KIAA1549L: variants seen among roughly 807,000 people sequenced by gnomAD.
KIAA1549L encodes the protein KIAA1549 like.
Under a neutral mutation model 160.7 loss-of-function variants are expected in KIAA1549L, and 88 were observed. The observed-to-expected ratio is 0.55, with a 90% confidence interval of 0.46 to 0.65. The LOEUF is 0.65. Ranked by LOEUF, KIAA1549L falls within the 30% of genes least tolerant of loss-of-function variation. The pLI, the probability that KIAA1549L is intolerant of heterozygous loss-of-function variation, is 0.00. For synonymous variants in KIAA1549L, 950 were observed against 976.7 expected (o/e 0.97, Z 0.51); for missense variants, 2,258 against 2,437.5 (o/e 0.93, Z 1.55).
chr11:33,588,932 A>G (rs536756023), intron 11 of KIAA1549L, among the ~76,000 whole-genome samples: 1 of 152,332 alleles, frequency 6.6e-6, no homozygotes, highest in African/African-American at 2.4e-5. Context: ...TGTTGGAGTT[A>G]GCAATAAAAC....
intron 16 of KIAA1549L, among the ~76,000 whole-genome samples, chr11:33,628,251 T>C (rs568474955): frequency 6.6e-6 from 1 of 152,196 alleles, no homozygotes; most frequent in South Asian, 2.1e-4. Flanking sequence ...GTGAAAAAAA[T>C]GTATATTCTG....
intron 15 of KIAA1549L, among the ~76,000 whole-genome samples, chr11:33,615,402 T>C (rs1850782110): frequency 6.6e-6 from 1 of 152,216 alleles, no homozygotes; most frequent in African/African-American, 2.4e-5. Context: ...GTAAGAAACT[T>C]ACTTCTCAAG....
Position 33,668,026 on chromosome 11 carries a change from C to T in KIAA1549L, c.6313C>T (p.Leu2105=), listed in dbSNP as rs1001189941. The T allele has an allele frequency of 1.9e-6, 3 of 1,614,032 alleles. No individual in the cohort carries two copies. In the Admixed American group the frequency reaches 5.0e-5, roughly 27 times the overall value. The change falls in exon 21 of 21, where the codon CTG becomes TTG. Residue 2105 remains leucine (L), a synonymous_variant. Transcript: ENST00000658780. ...APSTAASQQS[L]AENDPSDAPL... ...CTCCACAGCGGCCTCGCAGCAGAGC[C>T]TGGCAGAAAACGACCCGTCTGACGC...
chr11:33,445,319 C>T (rs76576649), intron 1 of KIAA1549L, among the ~76,000 whole-genome samples: 1 of 152,198 alleles, frequency 6.6e-6, no homozygotes, highest in Admixed American at 6.5e-5. Context: ...AGTTGGATAA[C>T]AGCAGTTGTT....
At chr11:33,569,765 G>T (rs972629987) in intron 9 of KIAA1549L, among the ~76,000 whole-genome samples, 1 of 152,148 alleles carries the variant, frequency 6.6e-6, no homozygotes, top group East Asian at 1.9e-4. Flanking sequence ...CGGTGGTTAA[G>T]CTTGCGTGTC....
At chr11:33,564,994 T>G (rs1157922899) in intron 8 of KIAA1549L, among the ~76,000 whole-genome samples, 1 of 152,144 alleles carries the variant, frequency 6.6e-6, no homozygotes, top group Non-Finnish European at 1.5e-5. Flanking sequence ...GGACAAAGCT[T>G]CATTGAACAC....
At chr11:33,515,040 C>G (rs1590302280) in intron 1 of KIAA1549L, among the ~76,000 whole-genome samples, 1 of 152,164 alleles carries the variant, frequency 6.6e-6, no homozygotes, top group African/African-American at 2.4e-5. Flanking sequence ...TCCCCCTCCC[C>G]CACAGCAATG....
intron 15 of KIAA1549L, among the ~76,000 whole-genome samples, chr11:33,614,537 T>C (rs1850731019): frequency 1.3e-3 from 5 of 3,828 alleles, no homozygotes; most frequent in Non-Finnish European, 2.1e-3. Context: ...ACAAGATATA[T>C]ATATATATAT....
At chr11:33,617,685 T>C (rs911273265) in intron 15 of KIAA1549L, among the ~76,000 whole-genome samples, 2 of 152,216 alleles carry the variant, frequency 1.3e-5, no homozygotes, top group Non-Finnish European at 2.9e-5. Flanking sequence ...GGATGTAATC[T>C]CTAGGAGAGG....
chr11:33,577,064 G>C (rs1353451129), intron 10 of KIAA1549L, among the ~76,000 whole-genome samples: 1 of 152,204 alleles, frequency 6.6e-6, no homozygotes, highest in East Asian at 1.9e-4. Context: ...AGAGGACACT[G>C]ACCAGGAGCA....
At chr11:33,614,584 ATTTTTTTT>A (rs869257067) in intron 15 of KIAA1549L, among the ~76,000 whole-genome samples, 7 of 5,106 alleles carry the variant, frequency 1.4e-3, no homozygotes, top group South Asian at 0.01. Context: ...ATATATATAT[ATTTTTTTT>A]TTTTTTTTTT....
At chr11:33,495,517 AG>A (rs1365964325) in intron 1 of KIAA1549L, among the ~76,000 whole-genome samples, 5 of 152,052 alleles carry the variant, frequency 3.3e-5, no homozygotes, top group African/African-American at 1.2e-4. Context: ...TTCTTAATCC[AG>A]TCTATCATTG....
At chr11:33,604,044 T>C (rs184223873) in intron 13 of KIAA1549L, among the ~76,000 whole-genome samples, 191 of 152,264 alleles carry the variant, frequency 1.3e-3, no homozygotes, top group Middle Eastern at 3.4e-3. Flanking sequence ...ATATGTATTT[T>C]AGGGATAGAG....
At chr11:33,614,843 C>T (rs1850768453) in intron 15 of KIAA1549L, among the ~76,000 whole-genome samples, 1 of 151,320 alleles carries the variant, frequency 6.6e-6, no homozygotes. Context: ...AATCTCCTGA[C>T]CTCTTGATTG....
intron 1 of KIAA1549L, chr11:33,403,688 ACTTTTTTCCTCTG>A (rs1482770470): frequency 1.3e-5 from 2 of 152,146 alleles, no homozygotes; most frequent in African/African-American, 4.8e-5. Flanking sequence ...TCTCTTCCAT[ACTTTTTTCCTCTG>A]CTTTTCCCTT....
In KIAA1549L at chr11:33,669,020, A is replaced by G. The variant is rs1852583581; in HGVS notation, c.*866A>G. ...GAATGGAGCTTCTCTTTTTCTTGGG[A>G]TAATAGATACATCAACTTTTACAAG... On this transcript the variant is annotated 3_prime_UTR_variant, in exon 21 of 21. Coordinates refer to ENST00000658780, the MANE Select transcript of KIAA1549L (RefSeq NM_012194.3). The G allele has an allele frequency of 6.6e-6, 1 of 152,142 alleles. No homozygotes were observed. The highest frequency in any genetic ancestry group is 6.5e-5 in the Admixed American group (1 of 15,278). The allele number at this position is 152,142 out of a possible 1,614,324, so 9.4% of individuals were successfully genotyped here.
At chr11:33,449,764 C>G (rs932999980) in intron 1 of KIAA1549L, among the ~76,000 whole-genome samples, 2 of 152,110 alleles carry the variant, frequency 1.3e-5, no homozygotes, top group Non-Finnish European at 1.5e-5. Flanking sequence ...CCTAGGGTAA[C>G]TAGATGATCA....
rs75233083 is a variant in KIAA1549L at position 33,451,499 on chromosome 11, A to G, written c.238+74610A>G. Among the ~76,000 whole-genome samples the G allele has an allele frequency of 8.5e-3, 1,290 of 152,282 alleles. 20 individuals are homozygous for G. Among genetic ancestry groups the G allele is most frequent in the African/African-American group, 0.03 (1,241 of 41,560 alleles). ...ACATATGGGCATTTCTCCCTACATT[A>G]TTTCTATTTATTGCACACACTGGGG... On this transcript the variant is annotated intron_variant, in intron 1 of 20. Transcript: ENST00000658780.
intron 16 of KIAA1549L, among the ~76,000 whole-genome samples, chr11:33,639,682 GGC>G (rs1410543824): frequency 6.6e-6 from 1 of 152,172 alleles, no homozygotes; most frequent in African/African-American, 2.4e-5. Context: ...TGGGATCACA[GGC>G]GCGCGCTACC....
Sources: allele counts gnomAD v4.1 joint callset (sites outside exome capture counted in the v4.1 genomes callset), GRCh38; gene constraint gnomAD v4.1.1; transcripts MANE v1.5; gene names NCBI Gene and HGNC (gene_info 2026-07-23, HGNC 2026-07-21).